The following PCBP3 variants were observed in gnomAD, a reference collection of about 807,000 sequenced individuals.
PCBP3 encodes poly(rC) binding protein 3.
PCBP3 carries 25 observed loss-of-function variants against 52.7 expected under a neutral mutation model. That is an observed-to-expected ratio of 0.47 (90% confidence interval 0.35 to 0.66). PCBP3 has a LOEUF of 0.66. Ranked by LOEUF, PCBP3 falls within the 30% of genes least tolerant of loss-of-function variation. PCBP3 has a pLI of 0.01. For missense variants in PCBP3, 391 were observed against 490.3 expected, an observed-to-expected ratio of 0.80 and a Z score of 1.91; for synonymous variants, 162 against 183.0, an observed-to-expected ratio of 0.89 and a Z score of 0.93.
intron 4 of PCBP3, among the ~76,000 whole-genome samples, chr21:45,836,003 C>T (rs550167327): frequency 7.6e-4 from 115 of 152,236 alleles, no homozygotes; most frequent in Admixed American, 2.1e-3. Flanking sequence ...AGAATATGAG[C>T]AAGAAGTTTG....
At chr21:45,716,922 G>A (rs1745902228) in intron 2 of PCBP3, among the ~76,000 whole-genome samples, 1 of 152,104 alleles carries the variant, frequency 6.6e-6, no homozygotes, top group African/African-American at 2.4e-5. Flanking sequence ...TTTTTATAGA[G>A]ATTGCATTGA....
intron 15 of PCBP3, 114 bp downstream of exon 15, chr21:45,930,959 T>G: frequency 6.9e-7 from 1 of 1,455,340 alleles, no homozygotes; most frequent in Non-Finnish European, 9.3e-7. Flanking sequence ...CATGGGAGGC[T>G]GTGGGCCAGC....
chr21:45,836,281 C>T (rs2093586319), intron 4 of PCBP3: 2 of 152,468 alleles, frequency 1.3e-5, no homozygotes, highest in South Asian at 2.1e-4. Flanking sequence ...CTCCCCAGTC[C>T]TTACCGTCCA....
rs201517919 is a variant in PCBP3, at chr21:45,899,616, C to T, written c.183C>T (p.Ile61=). 55 of 1,609,442 alleles carry T rather than the reference C, an allele frequency of 3.4e-5. 1 individual carries two copies. Among genetic ancestry groups the T allele is most frequent in the Non-Finnish European group, 4.1e-5 (48 of 1,175,936 alleles). ...LMHGKEVGSI[I]GKKGETVKKM... Reference sequence around the variant, plus strand: ...TCTTGCAGGAAGTTGGAAGCATCATCGGGAAGGTAATTATTGATTGAATCT... The same window carrying T: ...TCTTGCAGGAAGTTGGAAGCATCATTGGGAAGGTAATTATTGATTGAATCT... Residue 61 remains isoleucine, a synonymous_variant, in exon 7 of 18, where the codon ATC becomes ATT. Coordinates refer to ENST00000681687, the MANE Select transcript of PCBP3 (RefSeq NM_001384156.1).
In PCBP3 at chr21:45,791,747, A is replaced by G. The variant is rs999461849; in HGVS notation, c.-126+36295A>G. Among the ~76,000 whole-genome samples, 11 of 152,384 alleles carry G rather than the reference A, an allele frequency of 7.2e-5. No homozygotes were observed. The highest frequency in any genetic ancestry group is 1.5e-4 in the Non-Finnish European group (10 of 68,034). ...TACTTGGTTTCCCTGGTAACTGCCA[A>G]CCGCTTGACTGACTGCACAGCAAGT... On this transcript the variant is annotated intron_variant, in intron 4 of 17. Coordinates refer to ENST00000681687, the MANE Select transcript of PCBP3 (RefSeq NM_001384156.1). The surrounding 1 kb of genome is among the most constrained non-coding windows in gnomAD (Gnocchi z 4.2).
chr21:45,794,964 G>C lies in PCBP3; in HGVS notation c.-126+39512G>C, dbSNP rs116509667. Among the ~76,000 whole-genome samples the C allele has an allele frequency of 6.0e-3, 912 of 151,418 alleles. 10 individuals are homozygous for C. The highest frequency in any genetic ancestry group is 0.021 in the African/African-American group (851 of 41,298). On this transcript the variant is annotated intron_variant, in intron 4 of 17. Coordinates refer to ENST00000681687, the MANE Select transcript of PCBP3 (RefSeq NM_001384156.1). Reference sequence around the variant, plus strand: ...AAAAGGACCTAGAAACAGAGAATTTGTTAATGGGAAGGGCACTGAGCAATG... The same window carrying C: ...AAAAGGACCTAGAAACAGAGAATTTCTTAATGGGAAGGGCACTGAGCAATG...
Position 45,850,093 on chromosome 21 carries a change from A to G in PCBP3, c.8A>G (p.Glu3Gly). MG[E>G]GDAFWAPSVL... ...AAACCTTATAGCCTGCTTATGGGGGAAGGTGAGTTACTGTCTTTTGTTTCC... is the reference window on the plus strand; with the variant it reads ...AAACCTTATAGCCTGCTTATGGGGGGAGGTGAGTTACTGTCTTTTGTTTCC... Residue 3 changes from glutamate to glycine, a missense_variant and splice_region_variant, in exon 5 of 18, where the codon GAA becomes GGA. By Grantham distance (98) the Glu-to-Gly change is moderately conservative. Transcript: ENST00000681687. 2 of 1,550,350 alleles carry G rather than the reference A, an allele frequency of 1.3e-6. No homozygotes were observed. The highest frequency in any genetic ancestry group is 1.4e-5 in the African/African-American group (1 of 73,110).
chr21:45,932,796 G>A (rs191934401), intron 15 of PCBP3, among the ~76,000 whole-genome samples: 5 of 151,898 alleles, frequency 3.3e-5, no homozygotes, highest in African/African-American at 7.2e-5. Context: ...ATGCCGTCCC[G>A]AGATGAATGA....
Position 45,941,921 on chromosome 21 carries a change from T to C in PCBP3, c.*215T>C, listed in dbSNP as rs1271512617. 9 of 429,884 alleles carry C rather than the reference T, an allele frequency of 2.1e-5. No homozygotes were observed. In the Admixed American group the frequency reaches 3.5e-4, roughly 17 times the overall value. 26.6% of individuals were successfully genotyped at this position (429,884 alleles called of 1,614,324 possible). ...TCCGCCGAGTCCCCCCTCAGTGTTA[T>C]TTTATTTATGACTTACGCTCCCGTC... On this transcript the variant is annotated 3_prime_UTR_variant, in exon 18 of 18. Coordinates refer to ENST00000681687, the MANE Select transcript of PCBP3 (RefSeq NM_001384156.1).
chr21:45,786,004 G>A lies in PCBP3; in HGVS notation c.-126+30552G>A, dbSNP rs868814680. Among the ~76,000 whole-genome samples the A allele has an allele frequency of 4.4e-3, 664 of 149,964 alleles. 5 individuals are homozygous for A. The highest frequency in any genetic ancestry group is 0.015 in the African/African-American group (604 of 40,526). ...AGGGACACAAACACTGCGGAAGGCCGCAGGGTCCTCTGCCTAGGAAAACCA... is the reference window on the plus strand; with the variant it reads ...AGGGACACAAACACTGCGGAAGGCCACAGGGTCCTCTGCCTAGGAAAACCA... On this transcript the variant is annotated intron_variant, in intron 4 of 17. Coordinates refer to ENST00000681687, the MANE Select transcript of PCBP3 (RefSeq NM_001384156.1).
At chr21:45,767,716 C>T (rs756452618) in intron 4 of PCBP3, among the ~76,000 whole-genome samples, 2 of 152,212 alleles carry the variant, frequency 1.3e-5, no homozygotes, top group Non-Finnish European at 2.9e-5. Context: ...ATAGGACAGA[C>T]CTTCGTGGTG....
At chr21:45,661,975 A>G (rs1037751555) in intron 1 of PCBP3, among the ~76,000 whole-genome samples, 2 of 151,856 alleles carry the variant, frequency 1.3e-5, no homozygotes, top group African/African-American at 4.8e-5. Flanking sequence ...CTTACTTTTA[A>G]TGGGGTTATT....
chr21:45,785,688 G>C (rs576615148), intron 4 of PCBP3, among the ~76,000 whole-genome samples: 8 of 152,350 alleles, frequency 5.3e-5, no homozygotes, highest in African/African-American at 1.9e-4. Context: ...TTGTGGAATA[G>C]AAAAGGGGGA....
intron 5 of PCBP3, among the ~76,000 whole-genome samples, chr21:45,863,890 G>A (rs1481055020): frequency 6.6e-6 from 1 of 152,158 alleles, no homozygotes; most frequent in African/African-American, 2.4e-5. Flanking sequence ...AATGCCTAGA[G>A]GAACCGCATA....
At chr21:45,925,057 G>A (rs1372103702) in intron 13 of PCBP3, among the ~76,000 whole-genome samples, 10 of 94,922 alleles carry the variant, frequency 1.1e-4, no homozygotes, top group African/African-American at 4.1e-4. Context: ...AACAGCACAC[G>A]TAAGATCGGG....
intron 4 of PCBP3, among the ~76,000 whole-genome samples, chr21:45,766,846 C>A (rs2089379328): frequency 6.6e-6 from 1 of 152,186 alleles, no homozygotes; most frequent in Non-Finnish European, 1.5e-5. Context: ...TTATTTAGAG[C>A]TTTTTCTTTC....
chr21:45,845,102 A>G (rs1438090676), intron 4 of PCBP3, among the ~76,000 whole-genome samples: 1 of 152,010 alleles, frequency 6.6e-6, no homozygotes, highest in African/African-American at 2.4e-5. Context: ...CAAGGAGTCC[A>G]CCTCCGGAGG....
Position 45,941,920 on chromosome 21 carries a change from A to G in PCBP3, c.*214A>G. Reference sequence around the variant, plus strand: ...CTCCGCCGAGTCCCCCCTCAGTGTTATTTTATTTATGACTTACGCTCCCGT... The same window carrying G: ...CTCCGCCGAGTCCCCCCTCAGTGTTGTTTTATTTATGACTTACGCTCCCGT... On this transcript the variant is annotated 3_prime_UTR_variant, in exon 18 of 18. Transcript: ENST00000681687. 1 of 430,190 alleles carries G rather than the reference A, an allele frequency of 2.3e-6. No individual in the cohort carries two copies. Among genetic ancestry groups the G allele is most frequent in the Admixed American group, 4.3e-5 (1 of 23,006 alleles). 26.6% of individuals were successfully genotyped at this position (430,190 alleles called of 1,614,324 possible). A position where few individuals can be genotyped will look rare whatever the true frequency, so the allele number is the denominator to read the frequency against.
intron 4 of PCBP3, among the ~76,000 whole-genome samples, chr21:45,758,855 A>G (rs1331092447): frequency 6.6e-6 from 1 of 152,144 alleles, no homozygotes; most frequent in Non-Finnish European, 1.5e-5. Flanking sequence ...CACCTTAAGT[A>G]TGATGATAGC....
Sources: gnomAD v4.1 joint callset for allele counts (sites outside exome capture counted in the v4.1 genomes callset) on GRCh38, gnomAD v4.1.1 for gene constraint, Gnocchi (gnomAD v3.1) non-coding constraint, MANE v1.5 for transcripts, NCBI Gene and HGNC (gene_info 2026-07-23, HGNC 2026-07-21) for gene names.